Variants in PPP1R17 observed in about 807,000 individuals in gnomAD.
PPP1R17 encodes the protein protein phosphatase 1 regulatory subunit 17, also known as G-substrate.
A neutral mutation model predicts 15.9 loss-of-function variants in PPP1R17; 12 were observed. The ratio of observed to expected loss-of-function variants is 0.75; its 90% confidence interval spans 0.48 to 1.22. PPP1R17 has a LOEUF of 1.22. PPP1R17 is among the 50% of genes most tolerant of loss of function. The probability of loss-of-function intolerance (pLI) is 0.00; values close to 1 mark genes in which losing one functional copy is unlikely to be tolerated. For missense variants in PPP1R17, 211 were observed against 187.3 expected, an observed-to-expected ratio of 1.13 and a Z score of -0.74; for synonymous variants, 63 against 64.5, an observed-to-expected ratio of 0.98 and a Z score of 0.11.
At position 31,707,563 on chromosome 7, in the gene PPP1R17, T is replaced by C. The variant is rs1583864701; in HGVS notation, c.*280T>C. On this transcript the variant is annotated 3_prime_UTR_variant, in exon 5 of 5. Coordinates refer to ENST00000342032, the MANE Select transcript of PPP1R17 (RefSeq NM_006658.5). Reference sequence around the variant, plus strand: ...AATGAGGAGGTAACAGGGAAAGCACTGGGGTTCGGTTTCTGCATCTTCTGG... The same window carrying C: ...AATGAGGAGGTAACAGGGAAAGCACCGGGGTTCGGTTTCTGCATCTTCTGG... 5.5e-6 allele frequency: 2 copies of C among 364,318 alleles called. No individual in the cohort carries two copies. Among genetic ancestry groups the C allele is most frequent in the Non-Finnish European group, 9.9e-6 (2 of 202,138 alleles). 22.6% of individuals were successfully genotyped at this position (364,318 alleles called of 1,614,324 possible).
In PPP1R17 at chr7:31,703,101, A is replaced by C. The variant is rs556617447; in HGVS notation, c.389-4103A>C. Reference sequence around the variant, plus strand: ...ATAAATCTAAAAGGGGACCATAAATATGTCTCCCAGGGCTGTTAACACAAT... The same window carrying C: ...ATAAATCTAAAAGGGGACCATAAATCTGTCTCCCAGGGCTGTTAACACAAT... On this transcript the variant is annotated intron_variant, in intron 4 of 4. Transcript: ENST00000342032. Among the ~76,000 whole-genome samples, 4 of 152,344 alleles carry C rather than the reference A, an allele frequency of 2.6e-5. 1 individual carries two copies. The highest frequency in any genetic ancestry group is 9.6e-5 in the African/African-American group (4 of 41,586).
At chr7:31,692,616 C>T (rs2128239121) in intron 2 of PPP1R17, 93 bp downstream of exon 2, 3 of 1,148,704 alleles carry the variant, frequency 2.6e-6, no homozygotes, top group African/African-American at 1.5e-5. Flanking sequence ...AGAGAGGGCA[C>T]CCCCCGAAAC....
At chr7:31,702,693 C>T (rs537242861) in intron 4 of PPP1R17, among the ~76,000 whole-genome samples, 2 of 152,300 alleles carry the variant, frequency 1.3e-5, no homozygotes, top group Non-Finnish European at 2.9e-5. Flanking sequence ...CAACAACTTG[C>T]ATGATGAATT....
rs146575634 is a variant in PPP1R17, at chr7:31,695,031, C to A, written c.83-438C>A. Among the ~76,000 whole-genome samples, 3 of 152,056 alleles carry A rather than the reference C, an allele frequency of 2.0e-5. No homozygotes were observed. In the South Asian group the frequency reaches 6.2e-4, roughly 32 times the overall value. ...GGCAAGTGAGAAATTCACTGAGGACCGAGGGAACCTTTCTAAGATCGAGGG... is the reference window on the plus strand; with the variant it reads ...GGCAAGTGAGAAATTCACTGAGGACAGAGGGAACCTTTCTAAGATCGAGGG... On this transcript the variant is annotated intron_variant, in intron 2 of 4. Transcript: ENST00000342032.
At chr7:31,692,067 A>C (rs1410032055) in intron 1 of PPP1R17, among the ~76,000 whole-genome samples, 1 of 152,134 alleles carries the variant, frequency 6.6e-6, no homozygotes, top group Non-Finnish European at 1.5e-5. Context: ...TTTAAGCATG[A>C]TTTTCTGTGA....
At position 31,697,131 on chromosome 7, in the gene PPP1R17, T is replaced by A; in HGVS notation, c.388+14T>A. 1 of 1,613,180 alleles carries A rather than the reference T, an allele frequency of 6.2e-7. No individual in the cohort carries two copies. Among genetic ancestry groups the A allele is most frequent in the Non-Finnish European group, 8.5e-7 (1 of 1,179,646 alleles). On this transcript the variant is annotated intron_variant, in intron 4 of 4. Coordinates refer to ENST00000342032, the MANE Select transcript of PPP1R17 (RefSeq NM_006658.5). Reference sequence around the variant, plus strand: ...CCTTTGCAGCAGGTAAAAAAGCTGGTGCAGGGCATTTGCAGGGGGTGATGG... The same window carrying A: ...CCTTTGCAGCAGGTAAAAAAGCTGGAGCAGGGCATTTGCAGGGGGTGATGG...
chr7:31,691,039 A>G lies in PPP1R17; in HGVS notation c.-36-1367A>G, dbSNP rs563850460. Among the ~76,000 whole-genome samples the G allele has an allele frequency of 3.3e-4, 51 of 152,288 alleles. No individual in the cohort carries two copies. The South Asian group carries it at 9.3e-3, about 28-fold the overall frequency. On this transcript the variant is annotated intron_variant, in intron 1 of 4. Transcript: ENST00000342032. ...TGAGTGATGTTCCCATGGCCCATCC[A>G]AGCTAACAGCATACTTCCTGATGGT...
At position 31,691,956 on chromosome 7, in the gene PPP1R17, G is replaced by A. The variant is rs184700329; in HGVS notation, c.-36-450G>A. Reference sequence around the variant, plus strand: ...ATATAGCCTTGGCTATTTAATAGATGTGTGACTAAATTAATTAAATTTTCT... The same window carrying A: ...ATATAGCCTTGGCTATTTAATAGATATGTGACTAAATTAATTAAATTTTCT... On this transcript the variant is annotated intron_variant, in intron 1 of 4. Coordinates refer to ENST00000342032, the MANE Select transcript of PPP1R17 (RefSeq NM_006658.5). Among the ~76,000 whole-genome samples, 498 of 152,254 alleles carry A rather than the reference G, an allele frequency of 3.3e-3. 3 individuals carry two copies. Among genetic ancestry groups the A allele is most frequent in the African/African-American group, 0.011 (471 of 41,540 alleles).
In PPP1R17 at chr7:31,695,615, A is replaced by G. The variant is rs1170890084; in HGVS notation, c.229A>G (p.Ile77Val). 5.0e-6 allele frequency: 8 copies of G among 1,611,826 alleles called. No individual in the cohort carries two copies. The highest frequency in any genetic ancestry group is 6.8e-6 in the Non-Finnish European group (8 of 1,179,348). ...ACCGGCGCTGCACATCCCACCTTTC[A>G]TACCAGGTAATGGACAAAGTCATCT... is the stretch of plus-strand genomic sequence containing the variant. ...DTPALHIPPF[I>V]PGVFSEHLIK... is the part of the protein sequence containing the mutation. The change falls in exon 3 of 5, where the codon ATA becomes GTA. Residue 77 changes from isoleucine (I) to valine (V), a missense_variant. Ile to Val is a conservative substitution (Grantham distance 29). Coordinates refer to ENST00000342032, the MANE Select transcript of PPP1R17 (RefSeq NM_006658.5).
At chr7:31,692,188 A>G (rs1469923777) in intron 1 of PPP1R17, among the ~76,000 whole-genome samples, 1 of 152,192 alleles carries the variant, frequency 6.6e-6, no homozygotes, top group Admixed American at 6.5e-5. Flanking sequence ...ACAATTATGA[A>G]TAAATCTGTC....
chr7:31,689,029 T>C (rs1239921838), intron 1 of PPP1R17, among the ~76,000 whole-genome samples: 1 of 152,250 alleles, frequency 6.6e-6, no homozygotes, highest in African/African-American at 2.4e-5. Context: ...TTCATAGTTT[T>C]GCTGCAGAAA....
chr7:31,687,578 A>G (rs1014479081), intron 1 of PPP1R17, among the ~76,000 whole-genome samples: 1 of 152,212 alleles, frequency 6.6e-6, no homozygotes, highest in Non-Finnish European at 1.5e-5. Context: ...TTCACACAGG[A>G]TAGAGAGGTT....
intron 4 of PPP1R17, among the ~76,000 whole-genome samples, chr7:31,699,783 T>TTTA (rs907004299): frequency 6.6e-6 from 1 of 152,042 alleles, no homozygotes. Context: ...TGTTTAGAAT[T>TTTA]TTATTATTAT....
At chr7:31,701,624 T>G (rs1792851248) in intron 4 of PPP1R17, among the ~76,000 whole-genome samples, 1 of 152,238 alleles carries the variant, frequency 6.6e-6, no homozygotes, top group African/African-American at 2.4e-5. Context: ...CATCACATAC[T>G]AGAGCAAACT....
intron 3 of PPP1R17, chr7:31,696,014 G>A (rs1414063282): frequency 6.5e-6 from 1 of 154,228 alleles, no homozygotes; most frequent in Non-Finnish European, 1.4e-5. Flanking sequence ...ACAGAGTGGA[G>A]GACTGACAGG....
At chr7:31,697,813 G>A (rs937171166) in intron 4 of PPP1R17, among the ~76,000 whole-genome samples, 4 of 152,138 alleles carry the variant, frequency 2.6e-5, no homozygotes, top group South Asian at 2.1e-4. Flanking sequence ...CATGTCTCAT[G>A]GATTTTTATA....
chr7:31,697,148 G>T, intron 4 of PPP1R17, 31 bp downstream of exon 4: 1 of 1,611,030 alleles, frequency 6.2e-7, no homozygotes, highest in Non-Finnish European at 8.5e-7. Flanking sequence ...CATTTGCAGG[G>T]GGTGATGGGG....
intron 4 of PPP1R17, among the ~76,000 whole-genome samples, chr7:31,703,197 C>G (rs1792925830): frequency 1.3e-5 from 2 of 152,230 alleles, no homozygotes; most frequent in Non-Finnish European, 2.9e-5. Context: ...TTAGTTCCTT[C>G]CATTCTCTGT....
At chr7:31,687,509 G>A (rs1295842171) in intron 1 of PPP1R17, among the ~76,000 whole-genome samples, 1 of 152,202 alleles carries the variant, frequency 6.6e-6, no homozygotes, top group African/African-American at 2.4e-5. Flanking sequence ...TTCTGTAAAA[G>A]ACTGAACCCT....
Sources: gnomAD v4.1 joint callset for allele counts (sites outside exome capture counted in the v4.1 genomes callset) on GRCh38, gnomAD v4.1.1 for gene constraint, MANE v1.5 for transcripts, NCBI Gene and HGNC (gene_info 2026-07-23, HGNC 2026-07-21) for gene names.